The following CFHR3 variants were observed in gnomAD, a reference collection of about 807,000 sequenced individuals.
CFHR3 encodes the protein complement factor H-related protein 3.
In CFHR3, 22 loss-of-function variants were observed where a neutral mutation model predicts 36.0. That is an observed-to-expected ratio of 0.61 (90% CI 0.44 to 0.87). The LOEUF is 0.87. CFHR3 is among the 40% of genes least tolerant of loss of function. The pLI is 0.00. For synonymous variants in CFHR3, 97 were observed against 137.4 expected, an observed-to-expected ratio of 0.71 and a Z score of 2.06; for missense variants, 276 against 401.3, an observed-to-expected ratio of 0.69 and a Z score of 2.67.
At position 196,774,937 on chromosome 1, in the gene CFHR3, T is replaced by C; in HGVS notation, c.51T>C (p.Asn17=). 2.6e-6 allele frequency: 4 copies of C among 1,528,060 alleles called. 1 individual carries two copies. Among genetic ancestry groups the C allele is most frequent in the Non-Finnish European group, 3.5e-6 (4 of 1,129,156 alleles). 94.7% of individuals were successfully genotyped at this position (1,528,060 alleles called of 1,614,324 possible). A position where few individuals can be genotyped will look rare whatever the true frequency, so the allele number is the denominator to read the frequency against. Residue 17 remains asparagine, a synonymous_variant, in exon 1 of 6, where the codon AAT becomes AAC. Coordinates refer to ENST00000367425, the MANE Select transcript of CFHR3 (RefSeq NM_021023.6). The part of the protein sequence containing the change: ...VILTLWVSCA[N]GQVKPCDFPD... Reference sequence around the variant, plus strand: ...TGACCTTGTGGGTTTCCTGTGCTAATGGACAAGGTAAGTTAAAAGAGATCT... The same window carrying C: ...TGACCTTGTGGGTTTCCTGTGCTAACGGACAAGGTAAGTTAAAAGAGATCT...
rs550424914 is a variant in CFHR3 at position 196,794,280 on chromosome 1, C to G, written c.*767C>G. ...AAGTTCAAGACCAGCCTGTTCAACA[C>G]GGTGAAACCCTGTCTCTACTAAAAA... On this transcript the variant is annotated 3_prime_UTR_variant, in exon 6 of 6. Transcript: ENST00000367425. Among the ~76,000 whole-genome samples, 2 of 136,098 alleles carry G rather than the reference C, an allele frequency of 1.5e-5. No individual in the cohort carries two copies. The highest frequency in any genetic ancestry group is 3.1e-5 in the Non-Finnish European group (2 of 64,274). 89.3% of individuals were successfully genotyped at this position (136,098 alleles called of 152,430 possible).
Position 196,779,417 on chromosome 1 carries a change from G to A in CFHR3, c.253+61G>A. On this transcript the variant is annotated intron_variant, in intron 2 of 5. Coordinates refer to ENST00000367425, the MANE Select transcript of CFHR3 (RefSeq NM_021023.6). ...ACTTTAAAAGATTAAAGAGAGGAGA[G>A]CACATAATTGATTACTCTTGTCTTA... The A allele has an allele frequency of 1.6e-6, 2 of 1,218,478 alleles. 1 individual carries two copies. The highest frequency in any genetic ancestry group is 2.3e-6 in the Non-Finnish European group (2 of 851,660). 75.5% of individuals were successfully genotyped at this position (1,218,478 alleles called of 1,614,324 possible). A position where few individuals can be genotyped will look rare whatever the true frequency, so the allele number is the denominator to read the frequency against.
At position 196,784,692 on chromosome 1, in the gene CFHR3, T is replaced by C. The variant is rs1477655931; in HGVS notation, c.431-3524T>C. Among the ~76,000 whole-genome samples the C allele has an allele frequency of 5.1e-5, 7 of 135,962 alleles. 2 individuals carry two copies. Among genetic ancestry groups the C allele is most frequent in the Non-Finnish European group, 7.8e-5 (5 of 64,388 alleles). The allele number at this position is 135,962 out of a possible 152,430, so 89.2% of individuals were successfully genotyped here. ...TCCATCCTTTTATTTTGAGCCTATGTGTGTCTCTGCACATGAGATGGGTTT... is the reference window on the plus strand; with the variant it reads ...TCCATCCTTTTATTTTGAGCCTATGCGTGTCTCTGCACATGAGATGGGTTT... On this transcript the variant is annotated intron_variant, in intron 3 of 5. Coordinates refer to ENST00000367425, the MANE Select transcript of CFHR3 (RefSeq NM_021023.6).
intron 3 of CFHR3, among the ~76,000 whole-genome samples, chr1:196,786,885 C>A (rs191121098): frequency 7.3e-6 from 1 of 137,300 alleles, no homozygotes; most frequent in Non-Finnish European, 1.5e-5. Flanking sequence ...AGAAATCACC[C>A]GTCTTCTGCG....
chr1:196,782,364 A>T lies in CFHR3; in HGVS notation c.430+2391A>T, dbSNP rs1490734259. On this transcript the variant is annotated intron_variant, in intron 3 of 5. Transcript: ENST00000367425. ...GAAAGTCATTGGTAGCTTGATGGGGATGGCATTGAATCTATAAATTACCTT... is the reference window on the plus strand; with the variant it reads ...GAAAGTCATTGGTAGCTTGATGGGGTTGGCATTGAATCTATAAATTACCTT... 1.5e-5 allele frequency among the ~76,000 whole-genome samples: 2 copies of T among 136,560 alleles called. 1 individual carries two copies. The highest frequency in any genetic ancestry group is 6.2e-5 in the African/African-American group (2 of 32,512). 89.6% of individuals were successfully genotyped at this position (136,560 alleles called of 152,430 possible).
chr1:196,782,925 T>C lies in CFHR3; in HGVS notation c.430+2952T>C, dbSNP rs1465642614. On this transcript the variant is annotated intron_variant, in intron 3 of 5. Transcript: ENST00000367425. ...TCCAGTTTTTGCCCATTCAGTATGA[T>C]ATTGGCTGTGGGTTTGTCATAGATA... Among the ~76,000 whole-genome samples, 2 of 137,190 alleles carry C rather than the reference T, an allele frequency of 1.5e-5. 1 individual carries two copies. Among genetic ancestry groups the C allele is most frequent in the Non-Finnish European group, 3.1e-5 (2 of 64,706 alleles). 90.0% of individuals were successfully genotyped at this position (137,190 alleles called of 152,430 possible). A position where few individuals can be genotyped will look rare whatever the true frequency, so the allele number is the denominator to read the frequency against.
At position 196,775,037 on chromosome 1, in the gene CFHR3, C is replaced by A; in HGVS notation, c.58+93C>A. On this transcript the variant is annotated intron_variant, in intron 1 of 5. Coordinates refer to ENST00000367425, the MANE Select transcript of CFHR3 (RefSeq NM_021023.6). ...GTATGTCTATAATTATTTTATGAAT[C>A]AAAGAGGATTTATTCACTATGCTAG... The A allele has an allele frequency of 3.6e-6, 4 of 1,109,614 alleles. 1 individual carries two copies. The highest frequency in any genetic ancestry group is 5.2e-6 in the Non-Finnish European group (4 of 763,496). 68.7% of individuals were successfully genotyped at this position (1,109,614 alleles called of 1,614,324 possible).
intron 3 of CFHR3, among the ~76,000 whole-genome samples, chr1:196,787,584 T>A (rs1289267220): frequency 7.3e-6 from 1 of 137,156 alleles, no homozygotes; most frequent in Non-Finnish European, 1.5e-5. Context: ...ATTAGTAATG[T>A]ATAGAACACA....
chr1:196,788,945 G>A lies in CFHR3; in HGVS notation c.613+547G>A, dbSNP rs879167828. ...CAGAGAAAACAAGTAAAGGAAAAGG[G>A]TAAGTGGGTGGGCTGAATGTTTACA... On this transcript the variant is annotated intron_variant, in intron 4 of 5. Coordinates refer to ENST00000367425, the MANE Select transcript of CFHR3 (RefSeq NM_021023.6). 2.9e-5 allele frequency: 39 copies of A among 1,365,722 alleles called. 9 individuals are homozygous for A. The South Asian group carries it at 5.7e-4, about 20-fold the overall frequency. 84.6% of individuals were successfully genotyped at this position (1,365,722 alleles called of 1,614,324 possible).
intron 3 of CFHR3, among the ~76,000 whole-genome samples, chr1:196,782,867 T>G (rs988959652): frequency 2.2e-5 from 3 of 137,452 alleles, no homozygotes; most frequent in Non-Finnish European, 3.1e-5. Flanking sequence ...AGAGAGGGCA[T>G]CCCTGTCTTG....
chr1:196,785,510 GTCTTTTTTCTCTAAACTT>G (rs1654161304), intron 3 of CFHR3, among the ~76,000 whole-genome samples: 3 of 133,074 alleles, frequency 2.3e-5, no homozygotes, highest in Non-Finnish European at 4.7e-5. Context: ...TTTCTTTTTG[GTCTTTTTTCTCTAAACTT>G]CCCTTCTCGC....
rs1490301461 is a variant in CFHR3, at chr1:196,789,802, T to A, written c.614-243T>A. On this transcript the variant is annotated intron_variant, in intron 4 of 5. Coordinates refer to ENST00000367425, the MANE Select transcript of CFHR3 (RefSeq NM_021023.6). ...TATTTTTTATTAGAATTAAATAAAA[T>A]AATAAATAGACACCTACATATGTAT... is the stretch of plus-strand genomic sequence containing the variant. 78 of 1,230,032 alleles carry A rather than the reference T, an allele frequency of 6.3e-5. 8 individuals are homozygous for A. Among genetic ancestry groups the A allele is most frequent in the Non-Finnish European group, 7.6e-5 (72 of 945,450 alleles). The allele number at this position is 1,230,032 out of a possible 1,614,324, so 76.2% of individuals were successfully genotyped here. A position where few individuals can be genotyped will look rare whatever the true frequency, so the allele number is the denominator to read the frequency against.
chr1:196,791,651 A>G (rs1654432433), intron 5 of CFHR3, among the ~76,000 whole-genome samples: 1 of 132,080 alleles, frequency 7.6e-6, no homozygotes. Flanking sequence ...TCCCCTACTT[A>G]AGTATCCACT....
chr1:196,787,800 A>T (rs1274442712), intron 3 of CFHR3, among the ~76,000 whole-genome samples: 1 of 137,210 alleles, frequency 7.3e-6, no homozygotes, highest in Non-Finnish European at 1.5e-5. Flanking sequence ...TGCCTATGGT[A>T]GCAGGGTGTA....
rs191530040 is a variant in CFHR3, at chr1:196,776,597, C to T, written c.58+1653C>T. On this transcript the variant is annotated intron_variant, in intron 1 of 5. Coordinates refer to ENST00000367425, the MANE Select transcript of CFHR3 (RefSeq NM_021023.6). The stretch of plus-strand genomic sequence containing the variant: ...GAACACACCGTATAGGGAAAGATCA[C>T]GCAAGGCATAGAGAGAAAACAACCA... Among the ~76,000 whole-genome samples, 18 of 136,084 alleles carry T rather than the reference C, an allele frequency of 1.3e-4. 3 individuals carry two copies. In the East Asian group the frequency reaches 3.1e-3, roughly 24 times the overall value. 89.3% of individuals were successfully genotyped at this position (136,084 alleles called of 152,430 possible). A position where few individuals can be genotyped will look rare whatever the true frequency, so the allele number is the denominator to read the frequency against.
In CFHR3 at chr1:196,775,011, TG is replaced by T. The variant is rs1438710285; in HGVS notation, c.58+68del. Reference sequence around the variant, plus strand: ...TGTAACTTCATGTAATATCTAGCTTTGTATGTCTATAATTATTTTATGAATC... The same window carrying T: ...TGTAACTTCATGTAATATCTAGCTTTTATGTCTATAATTATTTTATGAATC... On this transcript the variant is annotated intron_variant, in intron 1 of 5. Coordinates refer to ENST00000367425, the MANE Select transcript of CFHR3 (RefSeq NM_021023.6). The T allele has an allele frequency of 1.2e-4, 153 of 1,241,210 alleles. 17 individuals carry two copies. The highest frequency in any genetic ancestry group is 1.7e-4 in the Non-Finnish European group (147 of 873,930). The allele number at this position is 1,241,210 out of a possible 1,614,324, so 76.9% of individuals were successfully genotyped here. A position where few individuals can be genotyped will look rare whatever the true frequency, so the allele number is the denominator to read the frequency against.
intron 5 of CFHR3, among the ~76,000 whole-genome samples, chr1:196,790,639 A>G (rs1654389084): frequency 1.5e-5 from 2 of 135,428 alleles, no homozygotes; most frequent in East Asian, 2.0e-4. Flanking sequence ...CAGGAGAATC[A>G]TTTGAACCCG....
In CFHR3 at chr1:196,781,207, G is replaced by A. The variant is rs566855289; in HGVS notation, c.430+1234G>A. 2.0e-3 allele frequency among the ~76,000 whole-genome samples: 272 copies of A among 134,960 alleles called. 28 individuals are homozygous for A. The highest frequency in any genetic ancestry group is 3.1e-3 in the Non-Finnish European group (197 of 64,056). The allele number at this position is 134,960 out of a possible 152,430, so 88.5% of individuals were successfully genotyped here. A position where few individuals can be genotyped will look rare whatever the true frequency, so the allele number is the denominator to read the frequency against. ...TTCTTAATCCAGTCTATCATTGTTG[G>A]ACATTTGGGTTGGTTCCAAGTCTTT... On this transcript the variant is annotated intron_variant, in intron 3 of 5. Coordinates refer to ENST00000367425, the MANE Select transcript of CFHR3 (RefSeq NM_021023.6).
In CFHR3 at chr1:196,793,359, T is replaced by A. The variant is rs202179405; in HGVS notation, c.839T>A (p.Ile280Lys). 1.3e-6 allele frequency: 2 copies of A among 1,517,304 alleles called. 1 individual carries two copies. Among genetic ancestry groups the A allele is most frequent in the Non-Finnish European group, 1.8e-6 (2 of 1,121,152 alleles). The allele number at this position is 1,517,304 out of a possible 1,614,324, so 94.0% of individuals were successfully genotyped here. A position where few individuals can be genotyped will look rare whatever the true frequency, so the allele number is the denominator to read the frequency against. The change falls in exon 6 of 6, where the codon ATA (isoleucine) becomes AAA (lysine). Residue 280 changes from isoleucine (I) to lysine (K), a missense_variant. By Grantham distance (102) the Ile-to-Lys change is moderately radical. Transcript: ENST00000367425. ...ITEENMNKNNIKLKGRSDRKY... is the reference protein window; with the variant it reads ...ITEENMNKNNKKLKGRSDRKY... ...GAAGAAAACATGAATAAAAATAACA[T>A]AAAGTTAAAAGGAAGAAGTGACAGA...
Sources: allele counts gnomAD v4.1 joint callset (sites outside exome capture counted in the v4.1 genomes callset), GRCh38; gene constraint gnomAD v4.1.1; transcripts MANE v1.5; gene names NCBI Gene and HGNC (gene_info 2026-07-23, HGNC 2026-07-21).